TRIP12: variants seen among roughly 807,000 people sequenced by gnomAD.
TRIP12 encodes E3 ubiquitin-protein ligase TRIP12.
TRIP12 carries 25 observed loss-of-function variants against 244.2 expected under a neutral mutation model. The observed-to-expected ratio is 0.10, with a 90% CI of 0.07 to 0.14. TRIP12 has a LOEUF of 0.14. Among genes scored for constraint, TRIP12 ranks in the 10% least tolerant of loss-of-function variants. TRIP12 has a pLI of 1.00. For synonymous variants in TRIP12, 905 were observed against 873.1 expected (o/e 1.04, Z -0.64); for missense variants, 1,677 against 2,486.4 (o/e 0.67, Z 6.92).
At chr2:229,792,904 T>G in intron 27 of TRIP12, 69 bp downstream of exon 27, 1 of 1,474,540 alleles carries the variant, frequency 6.8e-7, no homozygotes, top group Non-Finnish European at 9.2e-7. Context: ...AAATAATGTA[T>G]GTAACTCTTA....
chr2:229,805,352 G>T (rs1271730705), intron 18 of TRIP12, among the ~76,000 whole-genome samples: 4 of 152,034 alleles, frequency 2.6e-5, no homozygotes, highest in Admixed American at 1.3e-4. Flanking sequence ...GTTTTGTTTT[G>T]TTTTTTTAAT....
rs774526069 is a variant in TRIP12, at chr2:229,789,728, T to G, written c.4578A>C (p.Glu1526Asp). 9 of 1,614,098 alleles carry G rather than the reference T, an allele frequency of 5.6e-6. No individual in the cohort carries two copies. The South Asian group carries it at 8.8e-5, about 16-fold the overall frequency. Residue 1526 changes from glutamate to aspartate, a missense_variant, in exon 31 of 42, where the codon GAA becomes GAC. By Grantham distance (45) the Glu-to-Asp change is conservative. Around this residue, in one of 11 missense-constraint regions of TRIP12, gnomAD observed 265 missense variants for 370.8 expected, o/e 0.71. Coordinates refer to ENST00000675903, the MANE Select transcript of TRIP12 (RefSeq NM_001348323.3). The part of the protein sequence containing the change: ...GVCPSVSNPL[E>D]VYLIPTPPEN... The stretch of plus-strand genomic sequence containing the variant: ...CAGGTGGTGTGGGAATGAGGTAAAC[T>G]TCTAAAGGATTTGATACTGATGGGC...
At chr2:229,845,756 T>G (rs2057440159) in intron 4 of TRIP12, among the ~76,000 whole-genome samples, 1 of 152,092 alleles carries the variant, frequency 6.6e-6, no homozygotes, top group Non-Finnish European at 1.5e-5. Flanking sequence ...CCAGGTGTAG[T>G]GGCTCACATC....
At chr2:229,817,310 G>C (rs142467789) in intron 9 of TRIP12, among the ~76,000 whole-genome samples, 78 of 152,202 alleles carry the variant, frequency 5.1e-4, no homozygotes, top group African/African-American at 1.6e-3. Flanking sequence ...AAATGTAAAT[G>C]TTTATGTTTG....
In TRIP12 at chr2:229,815,115, G is replaced by A; in HGVS notation, c.1715C>T (p.Pro572Leu). 6.2e-7 allele frequency: 1 copy of A among 1,611,094 alleles called. No homozygotes were observed. Among genetic ancestry groups the A allele is most frequent in the Middle Eastern group, 1.7e-4 (1 of 6,052 alleles). Reference sequence around the variant, plus strand: ...TAGGATCACCTTTTCTAAAAAGACAGGAATAGCATCTACTACAACAGCAGA... The same window carrying A: ...TAGGATCACCTTTTCTAAAAAGACAAGAATAGCATCTACTACAACAGCAGA... The part of the protein sequence containing the change: ...RSSAVVVDAI[P>L]VFLEKLQVIQ... Residue 572 changes from proline (P) to leucine (L), a missense_variant, in exon 11 of 42, where the codon CCT becomes CTT. Pro to Leu is a moderately conservative substitution (Grantham distance 98). This residue lies in a region of TRIP12 where 572 missense variants were observed against 867.8 expected (regional missense o/e 0.66). Coordinates refer to ENST00000675903, the MANE Select transcript of TRIP12 (RefSeq NM_001348323.3).
intron 1 of TRIP12, among the ~76,000 whole-genome samples, chr2:229,912,904 C>T (rs998449540): frequency 6.6e-6 from 1 of 152,178 alleles, no homozygotes; most frequent in East Asian, 1.9e-4. Flanking sequence ...GAGTCTCACT[C>T]TGTGGCCTAG....
chr2:229,791,353 A>G, intron 29 of TRIP12, 102 bp from the exon 30 acceptor site: 1 of 1,311,946 alleles, frequency 7.6e-7, no homozygotes, highest in Non-Finnish European at 1.1e-6. Context: ...GACTGTTCTG[A>G]GATCTATTCT....
intron 4 of TRIP12, among the ~76,000 whole-genome samples, chr2:229,843,669 A>G (rs1276141845): frequency 6.6e-6 from 1 of 152,250 alleles, no homozygotes; most frequent in Non-Finnish European, 1.5e-5. Flanking sequence ...GGGTGAGCCC[A>G]GGAGTTTGAG....
chr2:229,773,120 A>G (rs1244239921), intron 38 of TRIP12, among the ~76,000 whole-genome samples: 2 of 151,922 alleles, frequency 1.3e-5, no homozygotes, highest in Non-Finnish European at 2.9e-5. Flanking sequence ...CTGTTGCCCA[A>G]GCCAGAGTGC....
At chr2:229,845,024 T>C (rs2057286389) in intron 4 of TRIP12, among the ~76,000 whole-genome samples, 2 of 152,168 alleles carry the variant, frequency 1.3e-5, no homozygotes, top group South Asian at 4.1e-4. Context: ...TCCTCCACCA[T>C]ACTGATTCAT....
chr2:229,859,614 C>G (rs375573130), intron 3 of TRIP12, 40 bp from the exon 4 acceptor site: 2 of 1,567,812 alleles, frequency 1.3e-6, no homozygotes, highest in Non-Finnish European at 1.7e-6. Context: ...ATCAGCCTGT[C>G]ATAATTACAA....
chr2:229,786,343 T>TA (rs1179705478), intron 33 of TRIP12, among the ~76,000 whole-genome samples: 1 of 151,928 alleles, frequency 6.6e-6, no homozygotes, highest in Non-Finnish European at 1.5e-5. Context: ...AGATTTCTAA[T>TA]TTATGCCAAT....
intron 1 of TRIP12, among the ~76,000 whole-genome samples, chr2:229,886,281 A>G (rs975606511): frequency 6.6e-6 from 1 of 152,196 alleles, no homozygotes; most frequent in Non-Finnish European, 1.5e-5. Context: ...AATTAAGGGC[A>G]ACAGAAATTT....
intron 17 of TRIP12, chr2:229,807,345 A>G (rs1264990386): frequency 2.6e-5 from 6 of 234,676 alleles, no homozygotes; most frequent in Non-Finnish European, 4.2e-5. Context: ...TTGAGAGGAA[A>G]CTATTTGTAT....
intron 37 of TRIP12, among the ~76,000 whole-genome samples, chr2:229,775,554 C>T (rs549939286): frequency 7.9e-5 from 12 of 151,498 alleles, no homozygotes; most frequent in Non-Finnish European, 1.8e-4. Flanking sequence ...TAAAGATGTG[C>T]ATTACAAAGT....
intron 34 of TRIP12, 105 bp from the exon 35 acceptor site, chr2:229,779,095 G>A: frequency 1.1e-6 from 1 of 887,602 alleles, no homozygotes; most frequent in Non-Finnish European, 1.8e-6. Context: ...TTACCAGGAT[G>A]CATTAGAGAT....
At position 229,791,796 on chromosome 2, in the gene TRIP12, T is replaced by C. The variant is rs1460122092; in HGVS notation, c.4415+70A>G. 8 of 1,518,016 alleles carry C rather than the reference T, an allele frequency of 5.3e-6. No individual in the cohort carries two copies. In the Admixed American group the frequency reaches 1.3e-4, roughly 24 times the overall value. The allele number at this position is 1,518,016 out of a possible 1,614,324, so 94.0% of individuals were successfully genotyped here. A position where few individuals can be genotyped will look rare whatever the true frequency, so the allele number is the denominator to read the frequency against. Reference sequence around the variant, plus strand: ...TTATGAAAGCCAGCCATTAAGTTAATGTGAATTCTAAAACACAAGAACAGT... The same window carrying C: ...TTATGAAAGCCAGCCATTAAGTTAACGTGAATTCTAAAACACAAGAACAGT... On this transcript the variant is annotated intron_variant, in intron 29 of 41. Coordinates refer to ENST00000675903, the MANE Select transcript of TRIP12 (RefSeq NM_001348323.3).
At chr2:229,789,896 T>C (rs940492547) in intron 30 of TRIP12, 134 bp from the exon 31 acceptor site, 22 of 920,782 alleles carry the variant, frequency 2.4e-5, no homozygotes, top group South Asian at 4.3e-5. Flanking sequence ...TAGTAGGGTA[T>C]TGATAAGTTT....
intron 34 of TRIP12, among the ~76,000 whole-genome samples, chr2:229,784,435 T>C (rs193088915): frequency 2.7e-5 from 4 of 148,704 alleles, no homozygotes; most frequent in African/African-American, 9.8e-5. Flanking sequence ...CTATAAAACT[T>C]CTAGAAAAAC....
Sources: allele counts gnomAD v4.1 joint callset (sites outside exome capture counted in the v4.1 genomes callset), GRCh38; gene constraint gnomAD v4.1.1; regional missense constraint gnomAD v4.1.1; transcripts MANE v1.5; gene names NCBI Gene and HGNC (gene_info 2026-07-23, HGNC 2026-07-21).